The following MALRD1 variants were observed in gnomAD, a reference collection of about 807,000 sequenced individuals.
The protein encoded by MALRD1 is MAM and LDL receptor class A domain containing 1.
A neutral mutation model predicts 242.1 loss-of-function variants in MALRD1; 247 were observed. That is an observed-to-expected ratio of 1.02 (90% CI 0.92 to 1.13). The LOEUF (loss-of-function observed/expected upper bound fraction) is 1.13. Among genes scored for constraint, MALRD1 ranks in the 50% most tolerant of loss-of-function variants. The pLI is 0.00. For synonymous variants in MALRD1, 995 were observed against 866.6 expected (o/e 1.15, Z -2.60); for missense variants, 2,989 against 2,533.1 (o/e 1.18, Z -3.86).
chr10:19,407,185 C>G (rs893968646), intron 28 of MALRD1, among the ~76,000 whole-genome samples: 4 of 152,042 alleles, frequency 2.6e-5, no homozygotes, highest in Non-Finnish European at 4.4e-5. Flanking sequence ...ATAAATAACC[C>G]CTGGCCAGGC....
chr10:19,654,293 G>C (rs559220683), intron 36 of MALRD1, among the ~76,000 whole-genome samples: 1 of 151,756 alleles, frequency 6.6e-6, no homozygotes, highest in Non-Finnish European at 1.5e-5. Context: ...AAAAAGTGGG[G>C]TTTTTTTTAG....
intron 32 of MALRD1, among the ~76,000 whole-genome samples, chr10:19,559,349 T>A (rs1835861887): frequency 6.6e-6 from 1 of 152,066 alleles, no homozygotes; most frequent in Non-Finnish European, 1.5e-5. Context: ...ATTAGTCTTT[T>A]CAAAGAATCA....
chr10:19,074,085 G>T (rs1325235155), intron 2 of MALRD1, among the ~76,000 whole-genome samples: 1 of 152,070 alleles, frequency 6.6e-6, no homozygotes, highest in African/African-American at 2.4e-5. Context: ...AAACAAAGAA[G>T]ATAGGCTAAC....
intron 28 of MALRD1, among the ~76,000 whole-genome samples, chr10:19,407,077 C>G (rs895912383): frequency 6.6e-6 from 1 of 152,136 alleles, no homozygotes; most frequent in Non-Finnish European, 1.5e-5. Flanking sequence ...CTACTCCCCA[C>G]GCCCCAATTC....
chr10:19,500,477 C>A (rs565239172), intron 31 of MALRD1, among the ~76,000 whole-genome samples: 1 of 152,264 alleles, frequency 6.6e-6, no homozygotes, highest in Admixed American at 6.5e-5. Flanking sequence ...AGTTTTATAT[C>A]ATATACAGCA....
intron 24 of MALRD1, among the ~76,000 whole-genome samples, chr10:19,347,513 G>C (rs541959095): frequency 1.3e-5 from 2 of 151,968 alleles, no homozygotes; most frequent in Non-Finnish European, 2.9e-5. Flanking sequence ...TTTAGAGAAG[G>C]AAATGTGTGT....
chr10:19,140,543 ATGTGTGTGTGTGTG>A (rs34024633), intron 10 of MALRD1, among the ~76,000 whole-genome samples: 2 of 146,988 alleles, frequency 1.4e-5, no homozygotes, highest in Admixed American at 6.9e-5. Flanking sequence ...GTGTGTGTGT[ATGTGTGTGTGTGTG>A]TGTGTGTGTG....
At chr10:19,132,852 G>T (rs1833168970) in intron 8 of MALRD1, among the ~76,000 whole-genome samples, 1 of 152,058 alleles carries the variant, frequency 6.6e-6, no homozygotes, top group African/African-American at 2.4e-5. Flanking sequence ...TAAGATTTCA[G>T]AGCATAAAAG....
intron 28 of MALRD1, among the ~76,000 whole-genome samples, chr10:19,399,701 A>G (rs74118935): frequency 0.018 from 2,799 of 152,306 alleles, 80 homozygotes; most frequent in African/African-American, 0.064. Context: ...ACAAAACAAT[A>G]CCATTTGTAA....
intron 32 of MALRD1, among the ~76,000 whole-genome samples, chr10:19,539,855 TGCGTGTGTGTGTGTGTG>T (rs1834866321): frequency 1.0e-4 from 9 of 87,396 alleles, no homozygotes; most frequent in Non-Finnish European, 1.6e-4. Context: ...CCCAGCTTTG[TGCGTGTGTGTGTGTGTG>T]TGTGTGTGTG....
chr10:19,370,278 T>C (rs1845318220), intron 26 of MALRD1, among the ~76,000 whole-genome samples: 1 of 152,176 alleles, frequency 6.6e-6, no homozygotes, highest in African/African-American at 2.4e-5. Flanking sequence ...TACTGGGATA[T>C]TGATTATCAT....
chr10:19,701,669 C>G, intron 38 of MALRD1, among the ~76,000 whole-genome samples: 1 of 150,888 alleles, frequency 6.6e-6, no homozygotes, highest in South Asian at 2.1e-4. Context: ...TTTCTCTTCC[C>G]TTCCCTTCCC....
intron 31 of MALRD1, among the ~76,000 whole-genome samples, chr10:19,512,815 T>G (rs1833463413): frequency 6.6e-6 from 1 of 152,166 alleles, no homozygotes; most frequent in African/African-American, 2.4e-5. Context: ...GACTAGTCAC[T>G]CCAAGATTTT....
chr10:19,376,383 G>A (rs117538223), intron 26 of MALRD1, among the ~76,000 whole-genome samples: 2,565 of 152,028 alleles, frequency 0.017, 37 homozygotes, highest in Middle Eastern at 0.055. Context: ...CATGTGTAGG[G>A]GCAAAATGCT....
At chr10:19,664,105 T>C (rs1376181165) in intron 36 of MALRD1, among the ~76,000 whole-genome samples, 1 of 151,896 alleles carries the variant, frequency 6.6e-6, no homozygotes, top group African/African-American at 2.4e-5. Context: ...GAGTCTTCCA[T>C]AGGTGACTTT....
chr10:19,503,141 T>C (rs898754053), intron 31 of MALRD1, among the ~76,000 whole-genome samples: 1 of 152,244 alleles, frequency 6.6e-6, no homozygotes, highest in African/African-American at 2.4e-5. Flanking sequence ...GAGTGCTCTC[T>C]TCAAAGCAGC....
At chr10:19,234,792 A>G (rs10827114) in intron 18 of MALRD1, among the ~76,000 whole-genome samples, 10,628 of 152,214 alleles carry the variant, frequency 0.07, 436 homozygotes, top group East Asian at 0.17. Context: ...AAGAGAACAA[A>G]GTGAGACAAA....
chr10:19,428,719 C>A (rs934654969), intron 28 of MALRD1, among the ~76,000 whole-genome samples: 1 of 151,984 alleles, frequency 6.6e-6, no homozygotes, highest in African/African-American at 2.4e-5. Context: ...AGAAAAGTTA[C>A]ATTATTTAAA....
intron 28 of MALRD1, among the ~76,000 whole-genome samples, chr10:19,423,320 C>T (rs1169927267): frequency 6.6e-6 from 1 of 151,844 alleles, no homozygotes; most frequent in African/African-American, 2.4e-5. Flanking sequence ...AATCTATGAA[C>T]AAATATTATA....
Sources: gnomAD v4.1 joint callset for allele counts (sites outside exome capture counted in the v4.1 genomes callset) on GRCh38, gnomAD v4.1.1 for gene constraint, MANE v1.5 for transcripts, NCBI Gene and HGNC (gene_info 2026-07-23, HGNC 2026-07-21) for gene names.